DHX8: variants seen among roughly 807,000 people sequenced by gnomAD.
DHX8 encodes the protein DEAH-box helicase 8.
A neutral mutation model predicts 140.7 loss-of-function variants in DHX8; 67 were observed. That is an observed-to-expected ratio of 0.48 (90% CI 0.39 to 0.58). DHX8 has a LOEUF of 0.58. DHX8 is among the 20% of genes least tolerant of loss of function. The probability of loss-of-function intolerance (pLI) is 0.00; values close to 1 mark genes in which losing one functional copy is unlikely to be tolerated. For synonymous variants in DHX8, 533 were observed against 553.2 expected, an observed-to-expected ratio of 0.96 and a Z score of 0.51; for missense variants, 887 against 1,550.7, an observed-to-expected ratio of 0.57 and a Z score of 7.19.
chr17:43,535,838 G>T (rs1042628856), intron 2 of DHX8, among the ~76,000 whole-genome samples: 1 of 152,174 alleles, frequency 6.6e-6, no homozygotes, highest in Non-Finnish European at 1.5e-5. Context: ...GGGGGCGGGC[G>T]CACTGGGCTC....
chr17:43,486,875 C>CA (rs34339308), intron 1 of DHX8, among the ~76,000 whole-genome samples: 28,216 of 94,934 alleles, frequency 0.3, 3,273 homozygotes, highest in Middle Eastern at 0.44. Flanking sequence ...GACTCCGTCT[C>CA]AAAAAAAAAA....
chr17:43,524,232 A>G lies in DHX8; in HGVS notation c.*385A>G. 3.8e-6 allele frequency: 4 copies of G among 1,061,266 alleles called. No homozygotes were observed. Among genetic ancestry groups the G allele is most frequent in the Non-Finnish European group, 4.6e-6 (4 of 875,990 alleles). The allele number at this position is 1,061,266 out of a possible 1,614,324, so 65.7% of individuals were successfully genotyped here. A position where few individuals can be genotyped will look rare whatever the true frequency, so the allele number is the denominator to read the frequency against. ...CTAGCAGGAGCTACTGTGCTCATCT[A>G]AAGTGTTTGCCCCACTTCCCACCCC... On this transcript the variant is annotated 3_prime_UTR_variant, in exon 23 of 23. Coordinates refer to ENST00000262415, the MANE Select transcript of DHX8 (RefSeq NM_004941.3).
intron 1 of DHX8, among the ~76,000 whole-genome samples, chr17:43,488,081 C>T (rs1198494414): frequency 6.6e-6 from 1 of 152,050 alleles, no homozygotes; most frequent in Non-Finnish European, 1.5e-5. Context: ...GGTTCGAGAC[C>T]AGCCTGGCCA....
At position 43,491,192 on chromosome 17, in the gene DHX8, A is replaced by G; in HGVS notation, c.335A>G (p.Lys112Arg). ...CCAGTTGTTAAACCTAAAACAGAAA[A>G]AGAAAAGCTGAAGGAACTCTTCCCA... ...KDPVVKPKTE[K>R]EKLKELFPVL... is the part of the protein sequence containing the mutation. The change falls in exon 4 of 23, where the codon AAA becomes AGA. Residue 112 changes from lysine (K) to arginine (R), a missense_variant. By Grantham distance (26) the Lys-to-Arg change is conservative (BLOSUM62 2). This residue lies in a region of DHX8 where 304 missense variants were observed against 306.9 expected (regional missense o/e 0.99). Coordinates refer to ENST00000262415, the MANE Select transcript of DHX8 (RefSeq NM_004941.3). 2 of 1,540,928 alleles carry G rather than the reference A, an allele frequency of 1.3e-6. No homozygotes were observed. The highest frequency in any genetic ancestry group is 2.6e-5 in the South Asian group (2 of 76,952).
Position 43,490,543 on chromosome 17 carries a change from C to T in DHX8, c.307+80C>T, listed in dbSNP as rs575725665. 5.9e-5 allele frequency: 71 copies of T among 1,195,534 alleles called. No individual in the cohort carries two copies. The Admixed American group carries it at 1.5e-3, about 25-fold the overall frequency. The allele number at this position is 1,195,534 out of a possible 1,614,324, so 74.1% of individuals were successfully genotyped here. A position where few individuals can be genotyped will look rare whatever the true frequency, so the allele number is the denominator to read the frequency against. On this transcript the variant is annotated intron_variant, in intron 3 of 22. Transcript: ENST00000262415. ...TCCTGTAAATTGCATTTGTTTTCCT[C>T]TCAGCAGTTGCTGAGCAAGTAAATG...
In DHX8 at chr17:43,524,256, C is replaced by T; in HGVS notation, c.*409C>T. On this transcript the variant is annotated 3_prime_UTR_variant, in exon 23 of 23. Coordinates refer to ENST00000262415, the MANE Select transcript of DHX8 (RefSeq NM_004941.3). ...TAAAGTGTTTGCCCCACTTCCCACCCCGTCTCCAGCCCCTGTACTTTGGCT... is the reference window on the plus strand; with the variant it reads ...TAAAGTGTTTGCCCCACTTCCCACCTCGTCTCCAGCCCCTGTACTTTGGCT... 9.8e-7 allele frequency: 1 copy of T among 1,025,270 alleles called. No homozygotes were observed. Among genetic ancestry groups the T allele is most frequent in the Non-Finnish European group, 1.2e-6 (1 of 854,292 alleles). The allele number at this position is 1,025,270 out of a possible 1,614,324, so 63.5% of individuals were successfully genotyped here. A position where few individuals can be genotyped will look rare whatever the true frequency, so the allele number is the denominator to read the frequency against.
In DHX8 at chr17:43,532,912, A is replaced by C; in HGVS notation, c.351-3500A>C. ...CTCCCTGAGATGTGAAGGAGTGGCA[A>C]ATGTCCAGGGGCTGCTGGAAGACGG... On this transcript the variant is annotated intron_variant, in intron 2 of 3. Transcript: ENST00000589898. 1 of 1,588,888 alleles carries C rather than the reference A, an allele frequency of 6.3e-7. No individual in the cohort carries two copies. Among genetic ancestry groups the C allele is most frequent in the Non-Finnish European group, 8.6e-7 (1 of 1,165,976 alleles).
At chr17:43,516,686 C>G (rs1970129755) in intron 17 of DHX8, among the ~76,000 whole-genome samples, 1 of 152,014 alleles carries the variant, frequency 6.6e-6, no homozygotes, top group South Asian at 2.1e-4. Flanking sequence ...TGGGCTCATG[C>G]AATCTGCCCA....
At chr17:43,525,993 C>T (rs1970601498), downstream of DHX8, 3 of 985,404 alleles carry the variant, frequency 3.0e-6, no homozygotes, top group Non-Finnish European at 3.6e-6. Flanking sequence ...GAAGGATCCC[C>T]ATTCTGTGGG....
chr17:43,530,179 C>T (rs1172726613), downstream of DHX8: 1 of 1,554,682 alleles, frequency 6.4e-7, no homozygotes, highest in Non-Finnish European at 8.7e-7. Context: ...CACCCGGTGA[C>T]ATCTGTGGGG....
chr17:43,523,255 A>G (rs1970473247), intron 22 of DHX8, among the ~76,000 whole-genome samples: 2 of 152,196 alleles, frequency 1.3e-5, no homozygotes, highest in Non-Finnish European at 2.9e-5. Flanking sequence ...GGCCTTCTCC[A>G]TCCCTTGTGG....
intron 16 of DHX8, among the ~76,000 whole-genome samples, chr17:43,512,572 T>A (rs1410894429): frequency 6.6e-6 from 1 of 152,064 alleles, no homozygotes; most frequent in African/African-American, 2.4e-5. Context: ...GAGGCTTGAG[T>A]GGAAAGATGG....
chr17:43,512,654 G>A (rs1312218121), intron 16 of DHX8, among the ~76,000 whole-genome samples: 1 of 152,176 alleles, frequency 6.6e-6, no homozygotes, highest in South Asian at 2.1e-4. Context: ...TTCTGTAGCA[G>A]GTAGAAGCCT....
intron 12 of DHX8, 24 bp from the exon 13 acceptor site, chr17:43,506,979 A>G (rs1340609392): frequency 5.9e-6 from 9 of 1,531,424 alleles, no homozygotes; most frequent in African/African-American, 2.8e-5. Flanking sequence ...TTTAATGACC[A>G]TATTTATATT....
At chr17:43,532,510 AAAAG>A (rs775396599) in intron 2 of DHX8, among the ~76,000 whole-genome samples, 3 of 152,168 alleles carry the variant, frequency 2.0e-5, no homozygotes, top group East Asian at 1.9e-4. Context: ...AAAAAAAAGA[AAAAG>A]AAAGAAAAAT....
At chr17:43,485,606 C>G (rs1968092854) in intron 1 of DHX8, among the ~76,000 whole-genome samples, 1 of 151,972 alleles carries the variant, frequency 6.6e-6, no homozygotes, top group South Asian at 2.1e-4. Flanking sequence ...GAGCTGGGGG[C>G]TAGGCATACC....
intron 8 of DHX8, among the ~76,000 whole-genome samples, chr17:43,494,550 T>C (rs1484956363): frequency 6.6e-6 from 1 of 151,506 alleles, no homozygotes; most frequent in Non-Finnish European, 1.5e-5. Flanking sequence ...TGAAACCCCA[T>C]CTCCACTAAA....
intron 2 of DHX8, among the ~76,000 whole-genome samples, chr17:43,535,249 G>A (rs1374984664): frequency 6.6e-6 from 1 of 152,072 alleles, no homozygotes; most frequent in East Asian, 1.9e-4. Flanking sequence ...TGACAGCAAA[G>A]TATCTGACAT....
At chr17:43,526,030 G>C (rs113856903), downstream of DHX8, 16 of 985,290 alleles carry the variant, frequency 1.6e-5, no homozygotes, top group Non-Finnish European at 1.9e-5. Flanking sequence ...CTCTACGCTA[G>C]AGCTGAGGTC....
Sources: gnomAD v4.1 joint callset for allele counts (sites outside exome capture counted in the v4.1 genomes callset) on GRCh38, gnomAD v4.1.1 for gene constraint, gnomAD v4.1.1 regional missense constraint, MANE v1.5 for transcripts, NCBI Gene and HGNC (gene_info 2026-07-23, HGNC 2026-07-21) for gene names.